The following TLN2 variants were observed in gnomAD, a reference collection of about 807,000 sequenced individuals.
TLN2 encodes the protein talin 2, also known as talin-2.
In TLN2, 118 loss-of-function variants were observed where a neutral mutation model predicts 294.7. The observed-to-expected ratio is 0.40, with a 90% CI of 0.34 to 0.47. The LOEUF is 0.47. Among genes scored for constraint, TLN2 ranks in the 20% least tolerant of loss-of-function variants. The probability of loss-of-function intolerance (pLI) is 0.84; values close to 1 mark genes in which losing one functional copy is unlikely to be tolerated. For synonymous variants in TLN2, 1,431 were observed against 1,304.5 expected, an observed-to-expected ratio of 1.10 and a Z score of -2.09; for missense variants, 3,083 against 3,282.2, an observed-to-expected ratio of 0.94 and a Z score of 1.48.
intron 41 of TLN2, among the ~76,000 whole-genome samples, chr15:62,768,890 T>G (rs2063181788): frequency 6.6e-6 from 1 of 152,246 alleles, no homozygotes; most frequent in African/African-American, 2.4e-5. Context: ...GAACTCTCAG[T>G]GCTATTATTA....
chr15:62,450,078 T>G (rs967630625), intron 1 of TLN2, among the ~76,000 whole-genome samples: 5 of 152,190 alleles, frequency 3.3e-5, no homozygotes, highest in Non-Finnish European at 7.3e-5. Context: ...TCCTAATGTT[T>G]TCTGCCGTCT....
intron 2 of TLN2, among the ~76,000 whole-genome samples, chr15:62,590,223 T>C (rs1450713616): frequency 1.3e-5 from 2 of 152,156 alleles, no homozygotes; most frequent in African/African-American, 4.8e-5. Flanking sequence ...AAACGTGTCA[T>C]GGGAGTTCAT....
At chr15:62,815,789 TTTG>T (rs2067062966) in intron 52 of TLN2, among the ~76,000 whole-genome samples, 1 of 152,228 alleles carries the variant, frequency 6.6e-6, no homozygotes, top group African/African-American at 2.4e-5. Flanking sequence ...ATTGACTAAT[TTTG>T]TTAACAGTTT....
At chr15:62,731,952 A>G (rs1425525538) in intron 28 of TLN2, among the ~76,000 whole-genome samples, 1 of 152,226 alleles carries the variant, frequency 6.6e-6, no homozygotes, top group Non-Finnish European at 1.5e-5. Context: ...CAATAGGAAC[A>G]CAAAGTTATA....
chr15:62,644,412 A>G (rs2051568610), intron 3 of TLN2: 1 of 440,136 alleles, frequency 2.3e-6, no homozygotes, highest in Admixed American at 2.4e-5. Context: ...GCTCTCCCTC[A>G]CTCCCTAGGT....
At chr15:62,629,444 T>A (rs921312603) in intron 3 of TLN2, among the ~76,000 whole-genome samples, 3 of 152,238 alleles carry the variant, frequency 2.0e-5, no homozygotes, top group African/African-American at 7.2e-5. Context: ...AGAAGAACCC[T>A]AGGCTGAGCT....
chr15:62,673,781 A>G (rs2055790368), intron 9 of TLN2, 46 bp from the exon 10 acceptor site: 1 of 1,495,174 alleles, frequency 6.7e-7, no homozygotes, highest in South Asian at 1.2e-5. Context: ...GCTTCTCATC[A>G]TGGAACATGA....
intron 1 of TLN2, among the ~76,000 whole-genome samples, chr15:62,553,884 G>C (rs2042459365): frequency 6.7e-6 from 1 of 149,722 alleles, no homozygotes; most frequent in Non-Finnish European, 1.5e-5. Context: ...AATAGCTGTG[G>C]TTTACTTTTT....
At chr15:62,783,338 T>C (rs560802943) in intron 44 of TLN2, among the ~76,000 whole-genome samples, 1 of 152,310 alleles carries the variant, frequency 6.6e-6, no homozygotes, top group Non-Finnish European at 1.5e-5. Context: ...ACAGAAGCCT[T>C]GGCCCAGGGG....
At chr15:62,408,665 G>A (rs111928931) in intron 1 of TLN2, among the ~76,000 whole-genome samples, 1,629 of 152,176 alleles carry the variant, frequency 0.011, 32 homozygotes, top group African/African-American at 0.038. Flanking sequence ...TTAGCTAAGG[G>A]TTATGTTTCT....
chr15:62,632,354 C>T (rs1013463256), intron 3 of TLN2, among the ~76,000 whole-genome samples: 3 of 152,206 alleles, frequency 2.0e-5, no homozygotes, highest in African/African-American at 2.4e-5. Context: ...GGACTCCTAA[C>T]GACCTGAACC....
chr15:62,610,175 G>A (rs767310372), intron 2 of TLN2, among the ~76,000 whole-genome samples: 3 of 152,124 alleles, frequency 2.0e-5, no homozygotes, highest in Non-Finnish European at 4.4e-5. Flanking sequence ...ATTGGATGTC[G>A]CTCATCCTAG....
chr15:62,587,477 A>G (rs2045702027), intron 1 of TLN2, among the ~76,000 whole-genome samples: 1 of 152,218 alleles, frequency 6.6e-6, no homozygotes, highest in Non-Finnish European at 1.5e-5. Flanking sequence ...GCATATGGTC[A>G]TTTACCTATT....
In TLN2 at chr15:62,660,621, C is replaced by T. The variant is rs544426044; in HGVS notation, c.788+2723C>T. Among the ~76,000 whole-genome samples the T allele has an allele frequency of 2.6e-4, 40 of 152,274 alleles. 3 individuals are homozygous for T. Among genetic ancestry groups the T allele is most frequent in the African/African-American group, 7.0e-4 (29 of 41,554 alleles). The stretch of plus-strand genomic sequence containing the variant: ...AATCAGGTATTTGCTTTATGCTTTT[C>T]TGTGTTGAGAAAATGCTTGCAGAAA... On this transcript the variant is annotated intron_variant, in intron 9 of 58. Transcript: ENST00000636159.
intron 52 of TLN2, 64 bp from the exon 53 acceptor site, chr15:62,819,451 GT>G: frequency 7.5e-7 from 1 of 1,340,564 alleles, no homozygotes; most frequent in Non-Finnish European, 1.1e-6. Flanking sequence ...CAAGAGGAGT[GT>G]GCTTCTTTCC....
intron 1 of TLN2, among the ~76,000 whole-genome samples, chr15:62,461,288 G>T (rs977431043): frequency 3.3e-5 from 5 of 152,118 alleles, no homozygotes; most frequent in African/African-American, 1.2e-4. Flanking sequence ...CCTGCCCAGT[G>T]TGTCCTCTTG....
intron 54 of TLN2, 156 bp from the exon 55 acceptor site, chr15:62,833,348 T>C (rs1179611774): frequency 8.5e-7 from 1 of 1,178,340 alleles, no homozygotes; most frequent in African/African-American, 1.5e-5. Flanking sequence ...ACCTGTCATC[T>C]GCTTCTTGTT....
In TLN2 at chr15:62,776,919, G is replaced by A. The variant is rs776725637; in HGVS notation, c.5514+9G>A. 6.6e-7 allele frequency: 1 copy of A among 1,511,802 alleles called. No individual in the cohort carries two copies. The highest frequency in any genetic ancestry group is 2.1e-5 in the Admixed American group (1 of 48,174). The allele number at this position is 1,511,802 out of a possible 1,614,324, so 93.6% of individuals were successfully genotyped here. ...CAGAAGCCATGAGCAAGGTGGGCAT[G>A]GGCTCTAGGGCTCTCTACTCCCTTA... is the stretch of plus-strand genomic sequence containing the variant. On this transcript the variant is annotated intron_variant, in intron 43 of 58. Coordinates refer to ENST00000636159, the MANE Select transcript of TLN2 (RefSeq NM_015059.3).
At position 62,701,138 on chromosome 15, in the gene TLN2, C is replaced by G. The variant is rs139848057; in HGVS notation, c.1620C>G (p.Asp540Glu). 6.2e-7 allele frequency: 1 copy of G among 1,613,884 alleles called. No individual in the cohort carries two copies. Among genetic ancestry groups the G allele is most frequent in the South Asian group, 1.1e-5 (1 of 91,080 alleles). ...ASRVWVQNKVDESKHEIHSQV... is the reference protein window; with the variant it reads ...ASRVWVQNKVEESKHEIHSQV... The stretch of plus-strand genomic sequence containing the variant: ...GGGTATGGGTTCAGAACAAAGTCGA[C>G]GAATCCAAACACGAAATCCATTCTC... Residue 540 changes from aspartate to glutamate, a missense_variant, in exon 17 of 59, where the codon GAC (aspartate) becomes GAG (glutamate). Transcript: ENST00000636159.
Sources: allele counts gnomAD v4.1 joint callset (sites outside exome capture counted in the v4.1 genomes callset), GRCh38; gene constraint gnomAD v4.1.1; transcripts MANE v1.5; gene names NCBI Gene and HGNC (gene_info 2026-07-23, HGNC 2026-07-21).